RBMS3: variants seen among roughly 807,000 people sequenced by gnomAD.
The protein encoded by RBMS3 is RNA binding motif single stranded interacting protein 3, also known as RNA-binding motif, single-stranded-interacting protein 3.
A neutral mutation model predicts 66.8 loss-of-function variants in RBMS3; 27 were observed. That is an observed-to-expected ratio of 0.40 (90% CI 0.30 to 0.56). The LOEUF (loss-of-function observed/expected upper bound fraction) is 0.56, where lower values mean the gene tolerates loss of function less well. RBMS3 is among the 20% of genes least tolerant of loss of function. The pLI, the probability that RBMS3 is intolerant of heterozygous loss-of-function variation, is 0.40. For synonymous variants in RBMS3, 188 were observed against 183.0 expected (o/e 1.03, Z -0.22); for missense variants, 513 against 549.5 (o/e 0.93, Z 0.66).
chr3:29,739,616 T>G, intron 4 of RBMS3, 104 bp from the exon 5 acceptor site: 1 of 1,076,830 alleles, frequency 9.3e-7, no homozygotes, highest in Non-Finnish European at 1.3e-6. Context: ...CAAGAGCATT[T>G]TGGAGATTAT....
chr3:29,412,491 A>C (rs1044758531), intron 1 of RBMS3, among the ~76,000 whole-genome samples: 1 of 152,208 alleles, frequency 6.6e-6, no homozygotes, highest in Non-Finnish European at 1.5e-5. Context: ...ATAAGGCAAC[A>C]TATACTTATC....
intron 12 of RBMS3, among the ~76,000 whole-genome samples, chr3:29,949,753 A>AT (rs900536319): frequency 3.6e-4 from 54 of 151,424 alleles, no homozygotes; most frequent in African/African-American, 1.3e-3. Context: ...TTTTTTATAT[A>AT]TTTTTTTAAT....
At chr3:29,645,990 T>A (rs1358130638) in intron 4 of RBMS3, among the ~76,000 whole-genome samples, 1 of 152,236 alleles carries the variant, frequency 6.6e-6, no homozygotes, top group Non-Finnish European at 1.5e-5. Context: ...GCTTAGGCAA[T>A]CTTGCTGGTT....
At chr3:29,408,007 T>G (rs1370146117) in intron 1 of RBMS3, among the ~76,000 whole-genome samples, 2 of 152,146 alleles carry the variant, frequency 1.3e-5, no homozygotes, top group Admixed American at 1.3e-4. Context: ...GCACGGTGAC[T>G]CACGCCTGTA....
At chr3:29,859,449 G>A (rs1374845763) in intron 6 of RBMS3, among the ~76,000 whole-genome samples, 2 of 152,172 alleles carry the variant, frequency 1.3e-5, no homozygotes, top group Non-Finnish European at 2.9e-5. Flanking sequence ...CGTTCACTTA[G>A]ATATCAAAAG....
At chr3:29,904,251 T>A (rs1419633524) in intron 10 of RBMS3, among the ~76,000 whole-genome samples, 3 of 152,002 alleles carry the variant, frequency 2.0e-5, no homozygotes, top group Non-Finnish European at 4.4e-5. Context: ...ATAAAAGATT[T>A]TCCACCTAGG....
intron 2 of RBMS3, among the ~76,000 whole-genome samples, chr3:29,465,167 A>T (rs1456783256): frequency 2.0e-5 from 3 of 152,250 alleles, no homozygotes; most frequent in Non-Finnish European, 4.4e-5. Flanking sequence ...CTTTGAAGAT[A>T]GAAAGTGGAA....
At chr3:29,377,271 C>T (rs1575656270) in intron 1 of RBMS3, among the ~76,000 whole-genome samples, 1 of 152,206 alleles carries the variant, frequency 6.6e-6, no homozygotes, top group East Asian at 1.9e-4. Context: ...CTTCAGGGAA[C>T]CACTGGTTGT....
chr3:29,958,561 T>C (rs866769286), intron 12 of RBMS3, among the ~76,000 whole-genome samples: 36 of 152,312 alleles, frequency 2.4e-4, no homozygotes, highest in Middle Eastern at 3.4e-3. Context: ...TCTGAGAGTT[T>C]TTTTTTAATC....
chr3:29,419,636 A>G (rs2040621425), intron 1 of RBMS3, among the ~76,000 whole-genome samples: 1 of 152,186 alleles, frequency 6.6e-6, no homozygotes, highest in South Asian at 2.1e-4. Context: ...GTACATAGTA[A>G]CATGGTAATA....
intron 6 of RBMS3, among the ~76,000 whole-genome samples, chr3:29,820,088 A>G (rs2058032605): frequency 6.6e-6 from 1 of 151,252 alleles, no homozygotes; most frequent in Non-Finnish European, 1.5e-5. Flanking sequence ...CCAGCTACTC[A>G]GGATGCTGAG....
At chr3:29,680,226 A>T (rs2051430287) in intron 4 of RBMS3, among the ~76,000 whole-genome samples, 1 of 152,150 alleles carries the variant, frequency 6.6e-6, no homozygotes, top group Admixed American at 6.5e-5. Flanking sequence ...AAAAATAAAT[A>T]AGATCAGTGA....
chr3:29,631,085 G>C (rs2049266180), intron 4 of RBMS3, among the ~76,000 whole-genome samples: 1 of 152,028 alleles, frequency 6.6e-6, no homozygotes, highest in African/African-American at 2.4e-5. Flanking sequence ...GAGGTATTTA[G>C]TTGGTATTAA....
intron 3 of RBMS3, among the ~76,000 whole-genome samples, chr3:29,489,575 G>T (rs893916117): frequency 2.0e-5 from 3 of 151,208 alleles, no homozygotes; most frequent in African/African-American, 7.3e-5. Context: ...TGTAACAGCG[G>T]TATCTAAAAC....
intron 4 of RBMS3, among the ~76,000 whole-genome samples, chr3:29,649,485 A>G (rs1022686625): frequency 6.6e-6 from 1 of 152,228 alleles, no homozygotes; most frequent in East Asian, 1.9e-4. Context: ...AAGTAAATAT[A>G]TGATTTTTGG....
intron 14 of RBMS3, among the ~76,000 whole-genome samples, chr3:29,999,290 T>C (rs1296451895): frequency 6.6e-6 from 1 of 152,130 alleles, no homozygotes; most frequent in Non-Finnish European, 1.5e-5. Flanking sequence ...TGTGGAGAAA[T>C]AGGAACACTT....
intron 3 of RBMS3, among the ~76,000 whole-genome samples, chr3:29,541,543 A>G (rs1045222468): frequency 1.0e-5 from 1 of 100,092 alleles, no homozygotes; most frequent in Non-Finnish European, 1.8e-5. Context: ...CTTCACTGCC[A>G]CAACCTCGTG....
chr3:29,698,377 C>T lies in RBMS3; in HGVS notation c.400-41343C>T, dbSNP rs548128639. 1.6e-5 allele frequency: 16 copies of T among 985,282 alleles called. 1 individual carries two copies. The South Asian group carries it at 6.6e-4, about 41-fold the overall frequency. The allele number at this position is 985,282 out of a possible 1,614,324, so 61.0% of individuals were successfully genotyped here. On this transcript the variant is annotated intron_variant, in intron 4 of 14. Transcript: ENST00000383767. ...AGTTTGTGTCTGAATGTGCTGTAAA[C>T]CAGATTTTTTTTTTCATGTAAATTC...
At chr3:29,367,106 A>G (rs2037953705) in intron 1 of RBMS3, among the ~76,000 whole-genome samples, 1 of 152,154 alleles carries the variant, frequency 6.6e-6, no homozygotes, top group African/African-American at 2.4e-5. Flanking sequence ...TGAGTTGAAT[A>G]TACAGTATTT....
Sources: gnomAD v4.1 joint callset for allele counts (sites outside exome capture counted in the v4.1 genomes callset) on GRCh38, gnomAD v4.1.1 for gene constraint, MANE v1.5 for transcripts, NCBI Gene and HGNC (gene_info 2026-07-23, HGNC 2026-07-21) for gene names.